Variants in YKT6 observed in about 807,000 individuals in gnomAD.
YKT6 encodes YKT6 vesicular SNARE protein.
In YKT6, 12 loss-of-function variants were observed where a neutral mutation model predicts 29.3. The observed-to-expected ratio is 0.41, with a 90% confidence interval of 0.26 to 0.66. The LOEUF (loss-of-function observed/expected upper bound fraction) is 0.66. YKT6 is among the 30% of genes least tolerant of loss of function. The probability of loss-of-function intolerance (pLI) is 0.32; values close to 1 mark genes in which losing one functional copy is unlikely to be tolerated. For synonymous variants in YKT6, 86 were observed against 94.3 expected (o/e 0.91, Z 0.51); for missense variants, 188 against 243.8 (o/e 0.77, Z 1.52).
intron 6 of YKT6, chr7:44,211,618 T>G: frequency 9.9e-7 from 1 of 1,005,200 alleles, no homozygotes; most frequent in Non-Finnish European, 1.2e-6. Context: ...AGTGCTCATG[T>G]CTTCCTATGT....
At chr7:44,207,905 T>C (rs926264157) in intron 4 of YKT6, among the ~76,000 whole-genome samples, 3 of 152,114 alleles carry the variant, frequency 2.0e-5, no homozygotes, top group Non-Finnish European at 4.4e-5. Context: ...TTTGTATTTT[T>C]AGTAGAGACG....
chr7:44,201,040 C>CT lies in YKT6; in HGVS notation c.-96_-95insT. 1 of 1,056,532 alleles carries CT rather than the reference C, an allele frequency of 9.5e-7. No individual in the cohort carries two copies. 65.4% of individuals were successfully genotyped at this position (1,056,532 alleles called of 1,614,324 possible). A position where few individuals can be genotyped will look rare whatever the true frequency, so the allele number is the denominator to read the frequency against. ...CGTCAGCAGCCGGCTGCTGAGAGGC[C>CT]GGTAGGCGGCGGCGGTCCCGAGGGG... On this transcript the variant is annotated 5_prime_UTR_variant, in exon 1 of 7. Transcript: ENST00000223369.
chr7:44,202,632 T>C (rs568836901), intron 1 of YKT6, among the ~76,000 whole-genome samples: 1 of 152,364 alleles, frequency 6.6e-6, no homozygotes, highest in East Asian at 1.9e-4. Context: ...TAATCCATTG[T>C]ATTATTCACC....
chr7:44,201,199 G>A lies in YKT6; in HGVS notation c.64G>A (p.Ala22Thr). ...GEAKVVLLKA[A>T]YDVSSFSFFQ... ...GGCCAAGGTGGTGCTGCTCAAAGCC[G>A]CATACGATGTGTCTTCCTTCAGCTT... Residue 22 changes from alanine to threonine, a missense_variant, in exon 1 of 7, where the codon GCA becomes ACA. Ala to Thr is a moderately conservative substitution (Grantham distance 58). Transcript: ENST00000223369. 1 of 1,612,862 alleles carries A rather than the reference G, an allele frequency of 6.2e-7. No homozygotes were observed. The highest frequency in any genetic ancestry group is 8.5e-7 in the Non-Finnish European group (1 of 1,179,338).
chr7:44,211,225 C>G lies in YKT6; in HGVS notation c.561+101C>G, dbSNP rs1315246248. ...CCACTATGAACGGGTCTTTCTTAGA[C>G]TGTTGAATCATGGTGGATGATTCCT... On this transcript the variant is annotated intron_variant, in intron 6 of 6. Coordinates refer to ENST00000223369, the MANE Select transcript of YKT6 (RefSeq NM_006555.4). 6.4e-6 allele frequency: 7 copies of G among 1,096,802 alleles called. No individual in the cohort carries two copies. The African/African-American group carries it at 1.1e-4, about 17-fold the overall frequency. The allele number at this position is 1,096,802 out of a possible 1,614,324, so 67.9% of individuals were successfully genotyped here.
At chr7:44,207,685 T>G (rs911361350) in intron 4 of YKT6, among the ~76,000 whole-genome samples, 193 bp downstream of exon 4, 1 of 152,130 alleles carries the variant, frequency 6.6e-6, no homozygotes, top group African/African-American at 2.4e-5. Flanking sequence ...CTAGGCAGGC[T>G]TTGGGTTTCT....
intron 3 of YKT6, 66 bp from the exon 4 acceptor site, chr7:44,207,322 G>T: frequency 4.9e-6 from 7 of 1,427,840 alleles, no homozygotes; most frequent in Non-Finnish European, 6.9e-6. Flanking sequence ...CAGGGGTGAA[G>T]CCCTGTCATT....
chr7:44,201,053 CG>C lies in YKT6; in HGVS notation c.-81del, dbSNP rs1270797911. The C allele has an allele frequency of 1.2e-5, 15 of 1,222,488 alleles. No homozygotes were observed. The highest frequency in any genetic ancestry group is 9.1e-5 in the East Asian group (3 of 32,976). 75.7% of individuals were successfully genotyped at this position (1,222,488 alleles called of 1,614,324 possible). A position where few individuals can be genotyped will look rare whatever the true frequency, so the allele number is the denominator to read the frequency against. ...CTGCTGAGAGGCCGGTAGGCGGCGG[CG>C]GTCCCGAGGGGCGGCGGCCGCGCTG... is the stretch of plus-strand genomic sequence containing the variant. On this transcript the variant is annotated 5_prime_UTR_variant, in exon 1 of 7. Transcript: ENST00000223369.
At chr7:44,209,759 G>A (rs1206286055) in intron 5 of YKT6, among the ~76,000 whole-genome samples, 1 of 152,206 alleles carries the variant, frequency 6.6e-6, no homozygotes, top group Admixed American at 6.5e-5. Flanking sequence ...GCTGCTTCCT[G>A]AGGGCCCTGG....
At chr7:44,212,085 T>C (rs1054377147) in intron 6 of YKT6, among the ~76,000 whole-genome samples, 162 bp from the exon 7 acceptor site, 3 of 152,222 alleles carry the variant, frequency 2.0e-5, no homozygotes, top group Admixed American at 1.3e-4. Context: ...TGGGAATTGC[T>C]TGTGGACAGC....
chr7:44,210,846 T>A, intron 5 of YKT6, 177 bp from the exon 6 acceptor site: 1 of 675,550 alleles, frequency 1.5e-6, no homozygotes, highest in Non-Finnish European at 2.7e-6. Flanking sequence ...CACCAGGTTC[T>A]GTTCCATCCA....
Position 44,211,009 on chromosome 7 carries a change from T to A in YKT6, c.460-14T>A. 6.2e-7 allele frequency: 1 copy of A among 1,613,656 alleles called. No homozygotes were observed. On this transcript the variant is annotated splice_polypyrimidine_tract_variant and intron_variant, in intron 5 of 6. Coordinates refer to ENST00000223369, the MANE Select transcript of YKT6 (RefSeq NM_006555.4). The stretch of plus-strand genomic sequence containing the variant: ...TACTGAACAGAGCTGGATTCTCTTT[T>A]CTTTTTTGTCCAGCACAACACCATG...
At chr7:44,209,523 C>T (rs187288943) in intron 5 of YKT6, among the ~76,000 whole-genome samples, 122 of 152,310 alleles carry the variant, frequency 8.0e-4, no homozygotes, top group African/African-American at 2.7e-3. Context: ...CCTCTCCCCA[C>T]GGTGGGGAGT....
Position 44,208,214 on chromosome 7 carries a change from G to T in YKT6, c.459+16G>T. 1 of 1,613,744 alleles carries T rather than the reference G, an allele frequency of 6.2e-7. No homozygotes were observed. Among genetic ancestry groups the T allele is most frequent in the South Asian group, 1.1e-5 (1 of 91,050 alleles). The stretch of plus-strand genomic sequence containing the variant: ...AATCATTCTGGTAAGCAGGAAGATG[G>T]AGAGCAAGCCCAAGAACTGAGGCGG... On this transcript the variant is annotated intron_variant, in intron 5 of 6. Coordinates refer to ENST00000223369, the MANE Select transcript of YKT6 (RefSeq NM_006555.4).
intron 5 of YKT6, among the ~76,000 whole-genome samples, chr7:44,209,994 G>A (rs2096344866): frequency 6.6e-6 from 1 of 152,134 alleles, no homozygotes; most frequent in Non-Finnish European, 1.5e-5. Context: ...AGGAAAATAG[G>A]TAGAATTTAA....
intron 1 of YKT6, among the ~76,000 whole-genome samples, chr7:44,203,985 C>T (rs959868882): frequency 1.4e-4 from 21 of 152,200 alleles, no homozygotes; most frequent in African/African-American, 5.1e-4. Flanking sequence ...TTTGTATGAG[C>T]CATTTCCCAC....
In YKT6 at chr7:44,211,124, T is replaced by C. The variant is rs895890983; in HGVS notation, c.561T>C (p.Thr187=). Residue 187 remains threonine (T), a splice_region_variant and synonymous_variant, in exon 6 of 7, where the codon ACT becomes ACC. Transcript: ENST00000223369. ...CACAGTCTAAAGCCTTCTATAAAAC[T>C]GTGAGTACCCAGCACCTGCTGCCTC... ...LGTQSKAFYK[T]ARKQNSCCAI... is the part of the protein sequence containing the mutation. 5.6e-6 allele frequency: 9 copies of C among 1,613,576 alleles called. No homozygotes were observed. In the Admixed American group the frequency reaches 1.5e-4, roughly 27 times the overall value.
At chr7:44,201,975 T>C (rs1221871738) in intron 1 of YKT6, among the ~76,000 whole-genome samples, 1 of 152,198 alleles carries the variant, frequency 6.6e-6, no homozygotes, top group Non-Finnish European at 1.5e-5. Flanking sequence ...TACAGGCTTT[T>C]ACTTGTTTCT....
At chr7:44,207,139 G>A (rs931800830) in intron 3 of YKT6, among the ~76,000 whole-genome samples, 2 of 152,152 alleles carry the variant, frequency 1.3e-5, no homozygotes, top group African/African-American at 4.8e-5. Flanking sequence ...CCCCAAGTGA[G>A]GTTCATCTCG....
Sources: allele counts gnomAD v4.1 joint callset (sites outside exome capture counted in the v4.1 genomes callset), GRCh38; gene constraint gnomAD v4.1.1; transcripts MANE v1.5; gene names NCBI Gene and HGNC (gene_info 2026-07-23, HGNC 2026-07-21).